Variants in CHCHD3 observed in about 807,000 individuals in gnomAD.
CHCHD3 encodes the protein MICOS complex subunit MIC19.
Under a neutral mutation model 38.2 loss-of-function variants are expected in CHCHD3, and 20 were observed. That is an observed-to-expected ratio of 0.52 (90% confidence interval 0.37 to 0.76). The LOEUF is 0.76. Ranked by LOEUF, CHCHD3 falls within the 30% of genes least tolerant of loss-of-function variation. The pLI, the probability that CHCHD3 is intolerant of heterozygous loss-of-function variation, is 0.00. For synonymous variants in CHCHD3, 82 were observed against 100.0 expected (o/e 0.82, Z 1.07); for missense variants, 245 against 279.2 (o/e 0.88, Z 0.87).
chr7:132,793,896 C>T (rs191769001), intron 7 of CHCHD3, among the ~76,000 whole-genome samples: 55 of 152,322 alleles, frequency 3.6e-4, no homozygotes, highest in Non-Finnish European at 1.9e-4. Flanking sequence ...AATAGGCAGT[C>T]GGGACTACGT....
At chr7:133,020,521 T>C (rs777389263) in intron 3 of CHCHD3, among the ~76,000 whole-genome samples, 1 of 152,186 alleles carries the variant, frequency 6.6e-6, no homozygotes, top group Non-Finnish European at 1.5e-5. Context: ...AAGAAGTCAT[T>C]CCGAGCTGAC....
At chr7:133,031,561 A>G (rs1562943139) in intron 2 of CHCHD3, among the ~76,000 whole-genome samples, 1 of 152,086 alleles carries the variant, frequency 6.6e-6, no homozygotes, top group Non-Finnish European at 1.5e-5. Context: ...TTCTTAAACA[A>G]TCTCTTTAAG....
chr7:132,938,475 C>T (rs557727986), intron 4 of CHCHD3, among the ~76,000 whole-genome samples: 1 of 152,200 alleles, frequency 6.6e-6, no homozygotes, highest in East Asian at 1.9e-4. Context: ...CAGTACACAA[C>T]TTGGAAATGG....
intron 4 of CHCHD3, among the ~76,000 whole-genome samples, chr7:132,961,717 C>T (rs1318834435): frequency 1.3e-5 from 2 of 152,184 alleles, no homozygotes; most frequent in African/African-American, 2.4e-5. Flanking sequence ...GCTGTACCTT[C>T]GATCCACAGA....
At chr7:132,839,314 A>G (rs1807880483) in intron 5 of CHCHD3, among the ~76,000 whole-genome samples, 2 of 152,234 alleles carry the variant, frequency 1.3e-5, no homozygotes, top group South Asian at 4.1e-4. Flanking sequence ...GATAATTTTA[A>G]TAACAAAAAA....
chr7:133,076,786 G>A (rs1815002492), intron 1 of CHCHD3, among the ~76,000 whole-genome samples: 1 of 152,142 alleles, frequency 6.6e-6, no homozygotes, highest in South Asian at 2.1e-4. Context: ...AAAAAAAGAG[G>A]AATTCTTCAG....
At chr7:132,847,642 T>C (rs908793067) in intron 5 of CHCHD3, among the ~76,000 whole-genome samples, 11 of 152,228 alleles carry the variant, frequency 7.2e-5, no homozygotes, top group African/African-American at 2.7e-4. Context: ...TAAAAGTGTA[T>C]ATTAAAATGC....
intron 4 of CHCHD3, among the ~76,000 whole-genome samples, chr7:132,946,014 A>T (rs1447151675): frequency 6.6e-6 from 1 of 151,964 alleles, no homozygotes; most frequent in Non-Finnish European, 1.5e-5. Flanking sequence ...CCAAAGATAC[A>T]TTCAATAATT....
chr7:132,824,435 C>G (rs1312932637), intron 6 of CHCHD3, among the ~76,000 whole-genome samples: 1 of 150,550 alleles, frequency 6.6e-6, no homozygotes, highest in Non-Finnish European at 1.5e-5. Context: ...TCTCCTGCCT[C>G]AGCCTCCCCA....
intron 5 of CHCHD3, among the ~76,000 whole-genome samples, chr7:132,843,465 A>C (rs916493434): frequency 9.2e-5 from 14 of 152,226 alleles, no homozygotes; most frequent in African/African-American, 3.1e-4. Flanking sequence ...GTTTTTGAAG[A>C]ATGATGGCAA....
At chr7:132,975,056 G>A (rs1811725537) in intron 4 of CHCHD3, 113 bp downstream of exon 4, 1 of 838,818 alleles carries the variant, frequency 1.2e-6, no homozygotes, top group African/African-American at 1.7e-5. Flanking sequence ...TGAGCAAAGA[G>A]AACATGAATA....
In CHCHD3 at chr7:132,989,942, G is replaced by C. The variant is rs553015467; in HGVS notation, c.252-14656C>G. On this transcript the variant is annotated intron_variant, in intron 3 of 7. Transcript: ENST00000262570. Reference sequence around the variant, plus strand: ...ATAATGGTGGGAATGGGGAGGTAAAGACACCACCATTAAACTGTGTCTTAT... The same window carrying C: ...ATAATGGTGGGAATGGGGAGGTAAACACACCACCATTAAACTGTGTCTTAT... 7.9e-5 allele frequency among the ~76,000 whole-genome samples: 12 copies of C among 152,272 alleles called. No homozygotes were observed. The South Asian group carries it at 2.5e-3, about 32-fold the overall frequency.
intron 1 of CHCHD3, among the ~76,000 whole-genome samples, chr7:133,080,459 A>AT (rs1339064709): frequency 2.6e-5 from 4 of 152,060 alleles, no homozygotes; most frequent in Non-Finnish European, 4.4e-5. Context: ...GGATTTATAC[A>AT]TTTTTTTCTA....
intron 3 of CHCHD3, among the ~76,000 whole-genome samples, chr7:132,988,221 C>T (rs958419559): frequency 1.2e-4 from 18 of 151,934 alleles, no homozygotes; most frequent in Non-Finnish European, 2.6e-4. Flanking sequence ...AAAATAAAAC[C>T]AGTGAGAGGT....
chr7:132,898,605 G>A lies in CHCHD3; in HGVS notation c.370-12860C>T, dbSNP rs1286674424. ...CCTGCCAGTCCCGCGCCGTGCGCCC[G>A]CACTCCTCAGCCCTTGGGTGGTCGA... On this transcript the variant is annotated intron_variant, in intron 4 of 7. Coordinates refer to ENST00000262570, the MANE Select transcript of CHCHD3 (RefSeq NM_017812.4). Among the ~76,000 whole-genome samples, 7 of 152,380 alleles carry A rather than the reference G, an allele frequency of 4.6e-5. No homozygotes were observed. The South Asian group carries it at 8.3e-4, about 18-fold the overall frequency.
intron 2 of CHCHD3, among the ~76,000 whole-genome samples, chr7:133,040,521 T>G (rs867971249): frequency 1.3e-5 from 2 of 152,186 alleles, no homozygotes; most frequent in Middle Eastern, 3.2e-3. Context: ...GTAACCCTTA[T>G]CTTCCACTAG....
At chr7:132,898,703 G>A (rs1008882327) in intron 4 of CHCHD3, among the ~76,000 whole-genome samples, 13 of 152,266 alleles carry the variant, frequency 8.5e-5, no homozygotes, top group Non-Finnish European at 1.8e-4. Flanking sequence ...CCCACGGAGC[G>A]GGTGGGAGGC....
At chr7:133,056,314 T>C (rs1036562003) in intron 2 of CHCHD3, among the ~76,000 whole-genome samples, 1 of 152,164 alleles carries the variant, frequency 6.6e-6, no homozygotes, top group Non-Finnish European at 1.5e-5. Context: ...CCAAGCCCTT[T>C]ATGACTGTAA....
At chr7:132,865,747 C>T (rs1808606137) in intron 5 of CHCHD3, among the ~76,000 whole-genome samples, 1 of 152,132 alleles carries the variant, frequency 6.6e-6, no homozygotes, top group African/African-American at 2.4e-5. Flanking sequence ...CCCCGAGCTT[C>T]TACCACTGTT....
Sources: gnomAD v4.1 joint callset for allele counts (sites outside exome capture counted in the v4.1 genomes callset) on GRCh38, gnomAD v4.1.1 for gene constraint, MANE v1.5 for transcripts, NCBI Gene and HGNC (gene_info 2026-07-23, HGNC 2026-07-21) for gene names.